STXBP6: variants seen among roughly 807,000 people sequenced by gnomAD.
STXBP6 encodes syntaxin-binding protein 6.
A neutral mutation model predicts 26.9 loss-of-function variants in STXBP6; 21 were observed. That is an observed-to-expected ratio of 0.78 (90% CI 0.55 to 1.12). The LOEUF is 1.12. Ranked by LOEUF, STXBP6 falls within the 50% of genes most tolerant of loss-of-function variation. The pLI, the probability that STXBP6 is intolerant of heterozygous loss-of-function variation, is 0.00. For missense variants in STXBP6, 232 were observed against 257.9 expected (o/e 0.90, Z 0.69); for synonymous variants, 97 against 92.6 (o/e 1.05, Z -0.27).
chr14:24,984,825 G>T (rs2074292137), intron 1 of STXBP6, among the ~76,000 whole-genome samples: 1 of 152,192 alleles, frequency 6.6e-6, no homozygotes, highest in Non-Finnish European at 1.5e-5. Context: ...AAGCTAATTG[G>T]TTAAGTAAAT....
chr14:24,992,263 A>C (rs1000425955), intron 1 of STXBP6, among the ~76,000 whole-genome samples: 2 of 152,184 alleles, frequency 1.3e-5, no homozygotes, highest in African/African-American at 2.4e-5. Context: ...AGTCACACTG[A>C]AAGAGACTGC....
At chr14:24,834,486 T>A (rs1001445075) in intron 4 of STXBP6, among the ~76,000 whole-genome samples, 2 of 152,232 alleles carry the variant, frequency 1.3e-5, no homozygotes, top group African/African-American at 2.4e-5. Flanking sequence ...ATCCTTGTTG[T>A]GGGAATGATC....
At chr14:24,876,368 G>A (rs924232235) in intron 2 of STXBP6, among the ~76,000 whole-genome samples, 1 of 152,138 alleles carries the variant, frequency 6.6e-6, no homozygotes, top group African/African-American at 2.4e-5. Flanking sequence ...TATTTATATT[G>A]AAAAGCAGAA....
intron 4 of STXBP6, among the ~76,000 whole-genome samples, chr14:24,850,675 G>C (rs1261800876): frequency 2.0e-5 from 3 of 152,074 alleles, no homozygotes; most frequent in African/African-American, 7.2e-5. Context: ...ATTTACATCT[G>C]ATATGTCCAG....
chr14:24,854,345 T>C (rs1258569122), intron 4 of STXBP6, among the ~76,000 whole-genome samples: 1 of 152,094 alleles, frequency 6.6e-6, no homozygotes, highest in Non-Finnish European at 1.5e-5. Context: ...GGTCTGTTTC[T>C]GGCCACACTG....
chr14:25,002,550 G>A (rs1159345691), intron 1 of STXBP6, among the ~76,000 whole-genome samples: 2 of 151,708 alleles, frequency 1.3e-5, no homozygotes, highest in African/African-American at 4.8e-5. Context: ...TAGCAGAGAC[G>A]GGGTTTCACC....
At chr14:24,846,317 C>T (rs1188176807) in intron 4 of STXBP6, among the ~76,000 whole-genome samples, 2 of 152,192 alleles carry the variant, frequency 1.3e-5, no homozygotes, top group African/African-American at 2.4e-5. Context: ...CACAATATAA[C>T]ACTAATTTTC....
chr14:24,924,217 C>A (rs527723818), intron 2 of STXBP6, among the ~76,000 whole-genome samples: 1 of 152,274 alleles, frequency 6.6e-6, no homozygotes, highest in African/African-American at 2.4e-5. Context: ...TGTAATGCCA[C>A]CTGTCAAATA....
At chr14:25,038,580 A>C (rs1026701696) in intron 1 of STXBP6, among the ~76,000 whole-genome samples, 2 of 152,226 alleles carry the variant, frequency 1.3e-5, no homozygotes, top group Admixed American at 1.3e-4. Flanking sequence ...CAAGGGAAAG[A>C]AGTCAGACAT....
At chr14:25,041,551 T>C (rs572721154) in intron 1 of STXBP6, among the ~76,000 whole-genome samples, 14 of 152,270 alleles carry the variant, frequency 9.2e-5, no homozygotes, top group African/African-American at 3.1e-4. Context: ...GCTTAGACTG[T>C]ACAAAGTCAA....
intron 1 of STXBP6, among the ~76,000 whole-genome samples, chr14:25,045,849 C>T (rs1595367620): frequency 6.6e-6 from 1 of 152,096 alleles, no homozygotes; most frequent in African/African-American, 2.4e-5. Flanking sequence ...CTCAGGTGAT[C>T]CACCCGCCTC....
intron 2 of STXBP6, among the ~76,000 whole-genome samples, chr14:24,941,021 C>G (rs1395319392): frequency 6.6e-6 from 1 of 151,988 alleles, no homozygotes; most frequent in Non-Finnish European, 1.5e-5. Context: ...TCTTGGAAAA[C>G]AAAACAAAAC....
chr14:24,930,274 G>GT (rs2072336661), intron 2 of STXBP6, among the ~76,000 whole-genome samples: 7 of 152,144 alleles, frequency 4.6e-5, no homozygotes, highest in Admixed American at 4.6e-4. Flanking sequence ...ATTTTCATAT[G>GT]TTTTTTATTT....
chr14:24,834,777 T>C (rs2068562321), intron 4 of STXBP6, among the ~76,000 whole-genome samples: 1 of 152,108 alleles, frequency 6.6e-6, no homozygotes, highest in Admixed American at 6.5e-5. Context: ...GAGGGAGACC[T>C]GTGGGGGAGA....
At chr14:24,890,971 A>G (rs1234646578) in intron 2 of STXBP6, among the ~76,000 whole-genome samples, 2 of 152,214 alleles carry the variant, frequency 1.3e-5, no homozygotes. Flanking sequence ...TGTTTGTGCC[A>G]GTGCACTGCT....
chr14:24,944,085 C>G (rs1474903600), intron 2 of STXBP6, among the ~76,000 whole-genome samples: 1 of 152,184 alleles, frequency 6.6e-6, no homozygotes, highest in African/African-American at 2.4e-5. Context: ...AATGTAGCAT[C>G]CTCCACAAGA....
At chr14:24,965,956 G>A (rs191083100) in intron 2 of STXBP6, among the ~76,000 whole-genome samples, 3 of 152,206 alleles carry the variant, frequency 2.0e-5, no homozygotes, top group African/African-American at 7.2e-5. Flanking sequence ...GGTACACAGT[G>A]CCTTGCCAGC....
chr14:25,027,730 G>A (rs921737869), intron 1 of STXBP6, among the ~76,000 whole-genome samples: 1 of 152,224 alleles, frequency 6.6e-6, no homozygotes, highest in Non-Finnish European at 1.5e-5. Context: ...AGCCAGGACA[G>A]GCTGAAAGCT....
chr14:24,886,505 C>T (rs1242840176), intron 2 of STXBP6, among the ~76,000 whole-genome samples: 1 of 152,152 alleles, frequency 6.6e-6, no homozygotes, highest in Non-Finnish European at 1.5e-5. Flanking sequence ...TAATAACCAT[C>T]TCTGAGAAAT....
Sources: allele counts gnomAD v4.1 joint callset (sites outside exome capture counted in the v4.1 genomes callset), GRCh38; gene constraint gnomAD v4.1.1; transcripts MANE v1.5; gene names NCBI Gene and HGNC (gene_info 2026-07-23, HGNC 2026-07-21).